MTBP: variants seen among roughly 807,000 people sequenced by gnomAD.
MTBP encodes MDM2 binding protein.
Under a neutral mutation model 117.0 loss-of-function variants are expected in MTBP, and 101 were observed. The ratio of observed to expected loss-of-function variants is 0.86; its 90% CI spans 0.73 to 1.02. The LOEUF is 1.02. Ranked by LOEUF, MTBP falls within the 50% of genes least tolerant of loss-of-function variation. MTBP has a pLI of 0.00. For missense variants in MTBP, 970 were observed against 1,030.9 expected (o/e 0.94, Z 0.81); for synonymous variants, 350 against 351.5 (o/e 1.00, Z 0.05).
chr8:120,473,812 A>C (rs1445466244), intron 11 of MTBP: 2 of 152,222 alleles, frequency 1.3e-5, no homozygotes, highest in South Asian at 4.1e-4. Context: ...CTTATTCTAC[A>C]TATAGTCATG....
intron 11 of MTBP, among the ~76,000 whole-genome samples, chr8:120,478,180 A>T (rs1255985961): frequency 6.6e-6 from 1 of 152,088 alleles, no homozygotes; most frequent in Admixed American, 6.5e-5. Context: ...ACATGTTCTC[A>T]CTCATAAGTG....
rs372728578 is a variant in MTBP at position 120,518,776 on chromosome 8, T to C, written c.2569T>C (p.Cys857Arg). The C allele has an allele frequency of 2.5e-6, 4 of 1,611,938 alleles. No individual in the cohort carries two copies. The highest frequency in any genetic ancestry group is 1.3e-5 in the African/African-American group (1 of 74,824). The stretch of plus-strand genomic sequence containing the variant: ...CGAGACTCATGAATGTTTCACTGCA[T>C]GCAGCCAGCGTCTCTTTGAAATCTC... ...ITETHECFTACSQRLFEISKF... is the reference protein window; with the variant it reads ...ITETHECFTARSQRLFEISKF... Residue 857 changes from cysteine (C) to arginine (R), a missense_variant, in exon 20 of 22, where the codon TGC (cysteine) becomes CGC (arginine). Coordinates refer to ENST00000305949, the MANE Select transcript of MTBP (RefSeq NM_022045.5).
At chr8:120,513,997 C>T (rs1056910331) in intron 17 of MTBP, among the ~76,000 whole-genome samples, 16 of 146,018 alleles carry the variant, frequency 1.1e-4, no homozygotes, top group African/African-American at 2.2e-4. Context: ...ATTTTGTCAC[C>T]GGTTAAATTA....
chr8:120,470,136 G>A (rs1813788076), intron 10 of MTBP, among the ~76,000 whole-genome samples: 1 of 152,100 alleles, frequency 6.6e-6, no homozygotes, highest in African/African-American at 2.4e-5. Context: ...GTTTTATTCA[G>A]CCCTTAATAA....
intron 20 of MTBP, among the ~76,000 whole-genome samples, chr8:120,521,093 C>T (rs1354230004): frequency 2.0e-5 from 3 of 151,944 alleles, no homozygotes; most frequent in Non-Finnish European, 4.4e-5. Context: ...AGAAAGATCT[C>T]CAGGTTTAAA....
intron 9 of MTBP, among the ~76,000 whole-genome samples, chr8:120,461,724 T>C (rs1321231802): frequency 2.0e-5 from 3 of 152,186 alleles, no homozygotes; most frequent in Non-Finnish European, 4.4e-5. Flanking sequence ...TTGTTAACTT[T>C]ACTATTATTT....
chr8:120,460,941 C>T (rs1027462588), intron 8 of MTBP, among the ~76,000 whole-genome samples: 7 of 152,120 alleles, frequency 4.6e-5, no homozygotes, highest in Non-Finnish European at 2.9e-5. Context: ...AAAGCTCTTC[C>T]TGGTTACTAA....
rs192760820 is a variant in MTBP at position 120,466,078 on chromosome 8, T to C, written c.1047+2317T>C. 5.9e-3 allele frequency among the ~76,000 whole-genome samples: 895 copies of C among 152,280 alleles called. 4 individuals are homozygous for C. The highest frequency in any genetic ancestry group is 0.01 in the Non-Finnish European group (695 of 68,018). On this transcript the variant is annotated intron_variant, in intron 10 of 21. Coordinates refer to ENST00000305949, the MANE Select transcript of MTBP (RefSeq NM_022045.5). Reference sequence around the variant, plus strand: ...CTTTATTAGTAAGAAATAGAGACTTTATAACTATGTTCCCAGTTCAATGCA... The same window carrying C: ...CTTTATTAGTAAGAAATAGAGACTTCATAACTATGTTCCCAGTTCAATGCA...
chr8:120,463,660 C>A, intron 9 of MTBP, 32 bp from the exon 10 acceptor site: 3 of 1,518,036 alleles, frequency 2.0e-6, no homozygotes, highest in Non-Finnish European at 2.7e-6. Flanking sequence ...TCATGGGTAC[C>A]ATTACATCAT....
chr8:120,447,911 A>G (rs577144523), intron 2 of MTBP, among the ~76,000 whole-genome samples: 5 of 146,978 alleles, frequency 3.4e-5, no homozygotes, highest in Admixed American at 2.1e-4. Flanking sequence ...TCAACTTCCA[A>G]TGTTTTATTC....
At chr8:120,501,613 A>C (rs1395761509) in intron 14 of MTBP, among the ~76,000 whole-genome samples, 1 of 152,062 alleles carries the variant, frequency 6.6e-6, no homozygotes, top group Non-Finnish European at 1.5e-5. Flanking sequence ...CCTCTCAAAA[A>C]TATAAAATGA....
chr8:120,452,794 T>A (rs565477499), intron 4 of MTBP: 4 of 142,402 alleles, frequency 2.8e-5, no homozygotes, highest in Non-Finnish European at 4.5e-5. Context: ...TCTGCCACTG[T>A]ACTCCAGCCT....
At chr8:120,521,833 C>T (rs1471514898) in intron 20 of MTBP, among the ~76,000 whole-genome samples, 1 of 150,422 alleles carries the variant, frequency 6.6e-6, no homozygotes, top group Admixed American at 6.7e-5. Flanking sequence ...ATGTTTGTTT[C>T]TGGAGTAATG....
chr8:120,454,695 C>T (rs1387241829), intron 5 of MTBP, among the ~76,000 whole-genome samples: 3 of 151,888 alleles, frequency 2.0e-5, no homozygotes, highest in Non-Finnish European at 4.4e-5. Context: ...CAAAAAGCCC[C>T]ACATAGAAAA....
chr8:120,523,420 C>G lies in MTBP; in HGVS notation c.*84C>G, dbSNP rs1004887066. The G allele has an allele frequency of 3.9e-5, 32 of 825,206 alleles. No homozygotes were observed. The highest frequency in any genetic ancestry group is 6.0e-4 in the Middle Eastern group (2 of 3,312). 51.1% of individuals were successfully genotyped at this position (825,206 alleles called of 1,614,324 possible). On this transcript the variant is annotated 3_prime_UTR_variant, in exon 22 of 22. Coordinates refer to ENST00000305949, the MANE Select transcript of MTBP (RefSeq NM_022045.5). ...CTTTTCTTAGTTTGAAAATTATAAA[C>G]AAATTTTAAGCTTTATTCAAAGAAT... is the stretch of plus-strand genomic sequence containing the variant.
chr8:120,517,544 A>G (rs1017026090), intron 18 of MTBP, among the ~76,000 whole-genome samples: 1 of 151,972 alleles, frequency 6.6e-6, no homozygotes, highest in African/African-American at 2.4e-5. Context: ...TATGATGTTT[A>G]TTGCTTACTT....
chr8:120,511,330 T>A (rs1246971212), intron 17 of MTBP, among the ~76,000 whole-genome samples: 1 of 152,232 alleles, frequency 6.6e-6, no homozygotes, highest in Admixed American at 6.5e-5. Context: ...ACAGTCTCAC[T>A]TTTTCACCCA....
chr8:120,493,858 C>T (rs138414177), intron 13 of MTBP, among the ~76,000 whole-genome samples: 352 of 152,278 alleles, frequency 2.3e-3, no homozygotes, highest in African/African-American at 8.0e-3. Context: ...TTACTGCGTA[C>T]ATCTTCCAGA....
At chr8:120,467,073 C>T (rs1372199801) in intron 10 of MTBP, among the ~76,000 whole-genome samples, 2 of 152,088 alleles carry the variant, frequency 1.3e-5, no homozygotes, top group African/African-American at 4.8e-5. Flanking sequence ...TTAGCTTAAA[C>T]AAATTATTTA....
Sources: allele counts gnomAD v4.1 joint callset (sites outside exome capture counted in the v4.1 genomes callset), GRCh38; gene constraint gnomAD v4.1.1; transcripts MANE v1.5; gene names NCBI Gene and HGNC (gene_info 2026-07-23, HGNC 2026-07-21).